Variants in PCDH15 observed in about 807,000 individuals in gnomAD.
The protein encoded by PCDH15 is protocadherin-15.
A neutral mutation model predicts 178.5 loss-of-function variants in PCDH15; 129 were observed. That is an observed-to-expected ratio of 0.72 (90% CI 0.63 to 0.84). The LOEUF is 0.84. Ranked by LOEUF, PCDH15 falls within the 40% of genes least tolerant of loss-of-function variation. PCDH15 has a pLI of 0.00. For missense variants in PCDH15, 2,230 were observed against 2,099.9 expected (o/e 1.06, Z -1.21); for synonymous variants, 800 against 732.0 (o/e 1.09, Z -1.50).
intron 18 of PCDH15, among the ~76,000 whole-genome samples, chr10:54,050,033 C>T (rs2135604241): frequency 6.6e-6 from 1 of 152,244 alleles, no homozygotes; most frequent in African/African-American, 2.4e-5. Context: ...TCCATTTTAA[C>T]TGTGCATTTA....
At chr10:54,686,522 C>A (rs2135731737) in intron 1 of PCDH15, among the ~76,000 whole-genome samples, 1 of 152,144 alleles carries the variant, frequency 6.6e-6, no homozygotes, top group African/African-American at 2.4e-5. Flanking sequence ...CCTCATATTT[C>A]TTTTTGCACT....
chr10:54,960,973 C>T (rs1838630896), intron 2 of PCDH15, among the ~76,000 whole-genome samples: 1 of 152,168 alleles, frequency 6.6e-6, no homozygotes, highest in Non-Finnish European at 1.5e-5. Flanking sequence ...CAGGCCTATT[C>T]TGATGCTATG....
intron 5 of PCDH15, among the ~76,000 whole-genome samples, chr10:54,357,871 C>T (rs1000158516): frequency 1.3e-5 from 2 of 152,056 alleles, no homozygotes; most frequent in Non-Finnish European, 2.9e-5. Context: ...ATATCTACAA[C>T]TATCTGATCT....
intron 10 of PCDH15, among the ~76,000 whole-genome samples, chr10:54,198,420 A>T (rs1185505535): frequency 6.6e-6 from 1 of 151,796 alleles, no homozygotes; most frequent in Admixed American, 6.6e-5. Context: ...AGCAGTTCAT[A>T]CATGCAAGGC....
chr10:53,824,446 G>A (rs2076536267), intron 32 of PCDH15, among the ~76,000 whole-genome samples: 1 of 152,096 alleles, frequency 6.6e-6, no homozygotes, highest in South Asian at 2.1e-4. Flanking sequence ...AAATTAACTA[G>A]CCATATTGAA....
At chr10:54,626,891 C>T (rs911007674) in intron 2 of PCDH15, among the ~76,000 whole-genome samples, 2 of 152,150 alleles carry the variant, frequency 1.3e-5, no homozygotes, top group Non-Finnish European at 1.5e-5. Context: ...GCCTGCAAAG[C>T]CACAGGGATG....
At chr10:54,360,978 G>A (rs1271667490) in intron 5 of PCDH15, among the ~76,000 whole-genome samples, 1 of 152,050 alleles carries the variant, frequency 6.6e-6, no homozygotes, top group Admixed American at 6.6e-5. Flanking sequence ...ATACCACTAT[G>A]TTAACCATTT....
intron 34 of PCDH15, among the ~76,000 whole-genome samples, chr10:53,816,957 C>T (rs760231906): frequency 6.6e-6 from 1 of 152,118 alleles, no homozygotes; most frequent in Non-Finnish European, 1.5e-5. Context: ...TAATAATACA[C>T]ACTTTAACCA....
intron 26 of PCDH15, among the ~76,000 whole-genome samples, chr10:53,868,135 G>A (rs2079580592): frequency 1.3e-5 from 2 of 151,992 alleles, no homozygotes; most frequent in Non-Finnish European, 2.9e-5. Flanking sequence ...GTAGATAGGA[G>A]AGTTTTAGAG....
At chr10:54,413,759 C>T (rs11004286) in intron 3 of PCDH15, among the ~76,000 whole-genome samples, 71,635 of 151,920 alleles carry the variant, frequency 0.47, 17,622 homozygotes, top group Non-Finnish European at 0.53. Flanking sequence ...ATACATTATT[C>T]AGCTCCCACT....
chr10:53,992,239 A>C (rs2091560395), intron 21 of PCDH15, among the ~76,000 whole-genome samples: 1 of 152,108 alleles, frequency 6.6e-6, no homozygotes, highest in South Asian at 2.1e-4. Context: ...CCACGAACCC[A>C]CCAGAAGGAA....
chr10:54,003,074 A>T (rs1020543387), intron 20 of PCDH15, among the ~76,000 whole-genome samples: 1 of 152,050 alleles, frequency 6.6e-6, no homozygotes, highest in African/African-American at 2.4e-5. Context: ...AGCAGGAAAA[A>T]CTCTTGATTC....
intron 1 of PCDH15, among the ~76,000 whole-genome samples, chr10:54,788,283 T>G (rs1400881333): frequency 6.6e-6 from 1 of 151,542 alleles, no homozygotes; most frequent in Admixed American, 6.6e-5. Context: ...TGAAGAAAAA[T>G]TAGAGGTTAG....
intron 2 of PCDH15, among the ~76,000 whole-genome samples, chr10:55,440,509 A>G (rs1292082177): frequency 6.6e-6 from 1 of 152,208 alleles, no homozygotes. Context: ...GTATGTTTTA[A>G]TAGAGAAAAA....
At chr10:55,309,825 C>T (rs1843534270) in intron 1 of PCDH15, among the ~76,000 whole-genome samples, 1 of 152,130 alleles carries the variant, frequency 6.6e-6, no homozygotes, top group South Asian at 2.1e-4. Flanking sequence ...TAAAATCAAT[C>T]CTTTAATGTC....
intron 1 of PCDH15, among the ~76,000 whole-genome samples, chr10:55,269,958 A>G (rs1437051439): frequency 6.6e-6 from 1 of 152,160 alleles, no homozygotes; most frequent in Non-Finnish European, 1.5e-5. Context: ...AGCAGAATAA[A>G]AAACTTGGAA....
At chr10:55,429,944 A>G (rs1838844444) in intron 2 of PCDH15, among the ~76,000 whole-genome samples, 1 of 152,170 alleles carries the variant, frequency 6.6e-6, no homozygotes, top group Admixed American at 6.5e-5. Context: ...AACCTTTTCT[A>G]TGATGAATAA....
intron 3 of PCDH15, among the ~76,000 whole-genome samples, chr10:54,850,710 T>C (rs985601272): frequency 6.7e-5 from 10 of 150,222 alleles, no homozygotes; most frequent in Non-Finnish European, 1.5e-4. Context: ...AAAATTGAAA[T>C]GCCAAAGTTT....
At chr10:54,536,111 C>A (rs550683615) in intron 2 of PCDH15, among the ~76,000 whole-genome samples, 1 of 152,248 alleles carries the variant, frequency 6.6e-6, no homozygotes, top group South Asian at 2.1e-4. Context: ...TCAAAAGAGG[C>A]CATATAATGT....
Sources: gnomAD v4.1 joint callset for allele counts (sites outside exome capture counted in the v4.1 genomes callset) on GRCh38, gnomAD v4.1.1 for gene constraint, MANE v1.5 for transcripts, NCBI Gene and HGNC (gene_info 2026-07-23, HGNC 2026-07-21) for gene names.